Variants in CDCP1 observed in about 807,000 individuals in gnomAD.
The protein encoded by CDCP1 is CUB domain containing protein 1.
In CDCP1, 29 loss-of-function variants were observed where a neutral mutation model predicts 60.2. That is an observed-to-expected ratio of 0.48 (90% CI 0.36 to 0.66). The LOEUF is 0.66. Among genes scored for constraint, CDCP1 ranks in the 30% least tolerant of loss-of-function variants. The pLI is 0.00. For synonymous variants in CDCP1, 387 were observed against 431.1 expected (o/e 0.90, Z 1.27); for missense variants, 876 against 1,074.3 (o/e 0.82, Z 2.58).
chr3:45,135,407 C>T (rs1699176697), intron 1 of CDCP1, among the ~76,000 whole-genome samples: 1 of 152,074 alleles, frequency 6.6e-6, no homozygotes, highest in Admixed American at 6.5e-5. Flanking sequence ...CTACTGCTAA[C>T]AGCTATTGTC....
At chr3:45,121,528 C>T (rs1698883019) in intron 1 of CDCP1, among the ~76,000 whole-genome samples, 1 of 152,236 alleles carries the variant, frequency 6.6e-6, no homozygotes, top group Non-Finnish European at 1.5e-5. Context: ...GGCTACAGCC[C>T]ATCTAGCTAT....
chr3:45,124,749 G>T (rs1426018511), intron 1 of CDCP1, among the ~76,000 whole-genome samples: 1 of 152,136 alleles, frequency 6.6e-6, no homozygotes, highest in Non-Finnish European at 1.5e-5. Flanking sequence ...TAGGGGCCAG[G>T]TTTGCAAAAT....
intron 1 of CDCP1, among the ~76,000 whole-genome samples, chr3:45,133,789 C>G (rs1445068253): frequency 2.7e-5 from 4 of 150,760 alleles, no homozygotes; most frequent in African/African-American, 9.8e-5. Context: ...AGCGTGGGCC[C>G]TTCCTTGGCC....
Position 45,110,651 on chromosome 3 carries a change from T to C in CDCP1, c.846A>G (p.Glu282=), listed in dbSNP as rs1225779829. 3.7e-6 allele frequency: 6 copies of C among 1,614,170 alleles called. No homozygotes were observed. In the Admixed American group the frequency reaches 5.0e-5, roughly 13 times the overall value. The change falls in exon 4 of 9, where the codon GAA becomes GAG. Residue 282 remains glutamate, a synonymous_variant. Coordinates refer to ENST00000296129, the MANE Select transcript of CDCP1 (RefSeq NM_022842.5). ...SNCERKEERV[E]YYIPGSTTNP... ...TGGTGGTGGAGCCCGGGATGTAGTA[T>C]TCAACCCGCTCCTCCTTCCTCTCAC...
intron 4 of CDCP1, among the ~76,000 whole-genome samples, chr3:45,104,695 G>T (rs1045922915): frequency 6.6e-6 from 1 of 152,132 alleles, no homozygotes; most frequent in Non-Finnish European, 1.5e-5. Flanking sequence ...CTGTGATCTG[G>T]ACACAGTTTC....
chr3:45,097,315 AAAG>A (rs796270415), intron 4 of CDCP1, among the ~76,000 whole-genome samples: 6 of 151,328 alleles, frequency 4.0e-5, no homozygotes, highest in African/African-American at 9.7e-5. Flanking sequence ...TCCAAAAAAA[AAAG>A]AAAGAAAGAA....
intron 1 of CDCP1, among the ~76,000 whole-genome samples, chr3:45,141,447 T>C (rs1228285803): frequency 6.6e-6 from 1 of 152,208 alleles, no homozygotes; most frequent in Non-Finnish European, 1.5e-5. Context: ...CGCTGTGCAG[T>C]GGATTGTTAT....
chr3:45,111,383 A>G (rs1037992616), intron 3 of CDCP1, among the ~76,000 whole-genome samples: 1 of 152,208 alleles, frequency 6.6e-6, no homozygotes, highest in African/African-American at 2.4e-5. Context: ...AACACTTAAC[A>G]GTCAGCTCTC....
chr3:45,088,707 A>G (rs1161318145), intron 8 of CDCP1, among the ~76,000 whole-genome samples: 1 of 152,180 alleles, frequency 6.6e-6, no homozygotes, highest in Non-Finnish European at 1.5e-5. Flanking sequence ...TTTCAGAGGC[A>G]CAGTCTGGCA....
At chr3:45,105,032 G>C (rs1698539045) in intron 4 of CDCP1, among the ~76,000 whole-genome samples, 1 of 152,172 alleles carries the variant, frequency 6.6e-6, no homozygotes, top group East Asian at 1.9e-4. Context: ...TGGGCAACAA[G>C]AGCAAAACTC....
At chr3:45,099,863 C>T (rs939449528) in intron 4 of CDCP1, among the ~76,000 whole-genome samples, 4 of 152,036 alleles carry the variant, frequency 2.6e-5, no homozygotes, top group Admixed American at 6.5e-5. Flanking sequence ...TTTACATAAA[C>T]GCAGCATCTC....
At chr3:45,131,392 A>G (rs1034471630) in intron 1 of CDCP1, among the ~76,000 whole-genome samples, 5 of 152,170 alleles carry the variant, frequency 3.3e-5, no homozygotes, top group African/African-American at 9.7e-5. Context: ...CATTACCACC[A>G]TCCGCCTCTG....
At chr3:45,120,991 A>G (rs9842666) in intron 1 of CDCP1, among the ~76,000 whole-genome samples, 11,411 of 152,066 alleles carry the variant, frequency 0.075, 759 homozygotes, top group East Asian at 0.35. Context: ...ACTTGCCCGT[A>G]TTTTTTAGTG....
intron 2 of CDCP1, among the ~76,000 whole-genome samples, chr3:45,112,829 A>T (rs1428230134): frequency 6.6e-6 from 1 of 152,208 alleles, no homozygotes; most frequent in Non-Finnish European, 1.5e-5. Flanking sequence ...AGAGCTCCCC[A>T]TGGGGTCAGG....
chr3:45,136,369 G>C (rs1436536209), intron 1 of CDCP1, among the ~76,000 whole-genome samples: 1 of 152,196 alleles, frequency 6.6e-6, no homozygotes, highest in Non-Finnish European at 1.5e-5. Flanking sequence ...CTACTGCTAA[G>C]AGCTATTGCT....
At chr3:45,134,005 C>T (rs1310765351) in intron 1 of CDCP1, among the ~76,000 whole-genome samples, 1 of 152,204 alleles carries the variant, frequency 6.6e-6, no homozygotes, top group Non-Finnish European at 1.5e-5. Flanking sequence ...CTCCCTGCTC[C>T]TTTCTTGCTG....
At chr3:45,087,118 G>A (rs911893983) in intron 8 of CDCP1, among the ~76,000 whole-genome samples, 1 of 152,164 alleles carries the variant, frequency 6.6e-6, no homozygotes, top group Admixed American at 6.5e-5. Flanking sequence ...TTATTTGCCT[G>A]TCTTTTCAGT....
chr3:45,095,175 C>T (rs1006986725), intron 5 of CDCP1, among the ~76,000 whole-genome samples, 172 bp downstream of exon 5: 1 of 152,170 alleles, frequency 6.6e-6, no homozygotes, highest in African/African-American at 2.4e-5. Flanking sequence ...CTCAAGTGAT[C>T]CACCAGCCTT....
In CDCP1 at chr3:45,093,831, TC is replaced by T. The variant is rs1382102066; in HGVS notation, c.1247-175del. Among the ~76,000 whole-genome samples the T allele has an allele frequency of 3.9e-5, 6 of 152,220 alleles. No homozygotes were observed. The East Asian group carries it at 9.6e-4, about 24-fold the overall frequency. On this transcript the variant is annotated intron_variant, in intron 5 of 8. Coordinates refer to ENST00000296129, the MANE Select transcript of CDCP1 (RefSeq NM_022842.5). ...CTCCTCTGTGTTCCTTTTCTAGCGGTCCCTCTGCTCTCTTAGTAAACATTCT... is the reference window on the plus strand; with the variant it reads ...CTCCTCTGTGTTCCTTTTCTAGCGGTCCTCTGCTCTCTTAGTAAACATTCT...
Sources: allele counts gnomAD v4.1 joint callset (sites outside exome capture counted in the v4.1 genomes callset), GRCh38; gene constraint gnomAD v4.1.1; transcripts MANE v1.5; gene names NCBI Gene and HGNC (gene_info 2026-07-23, HGNC 2026-07-21).